The following CDKAL1 variants were observed in gnomAD, a reference collection of about 807,000 sequenced individuals.
CDKAL1 encodes CDKAL1 threonylcarbamoyladenosine tRNA methylthiotransferase, also known as threonylcarbamoyladenosine tRNA methylthiotransferase.
CDKAL1 carries 32 observed loss-of-function variants against 68.2 expected under a neutral mutation model. The ratio of observed to expected loss-of-function variants is 0.47; its 90% CI spans 0.35 to 0.63. The LOEUF (loss-of-function observed/expected upper bound fraction) is 0.63. CDKAL1 is among the 30% of genes least tolerant of loss of function. The pLI is 0.00. For missense variants in CDKAL1, 606 were observed against 696.7 expected (o/e 0.87, Z 1.47); for synonymous variants, 234 against 244.3 (o/e 0.96, Z 0.39).
chr6:21,218,647 T>C (rs73387990), intron 15 of CDKAL1, among the ~76,000 whole-genome samples: 6,253 of 152,274 alleles, frequency 0.041, 406 homozygotes, highest in African/African-American at 0.14. Flanking sequence ...AGAGGCCTCC[T>C]TCCATTCCTT....
chr6:20,838,135 AT>A (rs1348688116), intron 8 of CDKAL1, among the ~76,000 whole-genome samples: 1 of 152,060 alleles, frequency 6.6e-6, no homozygotes, highest in Non-Finnish European at 1.5e-5. Flanking sequence ...TTTAAACTTT[AT>A]GGTATATTAG....
intron 6 of CDKAL1, among the ~76,000 whole-genome samples, chr6:20,754,290 C>CT (rs111711269): frequency 0.16 from 24,031 of 152,060 alleles, 2,089 homozygotes; most frequent in East Asian, 0.34. Context: ...GCCTGCCTGT[C>CT]TTTTTGTTGG....
chr6:20,973,035 G>A (rs777339720), intron 10 of CDKAL1, among the ~76,000 whole-genome samples: 4 of 150,082 alleles, frequency 2.7e-5, no homozygotes, highest in African/African-American at 7.4e-5. Context: ...CCGAGATCGC[G>A]TCATTACTCT....
chr6:20,950,421 G>A (rs1172652972), intron 9 of CDKAL1, among the ~76,000 whole-genome samples: 1 of 152,140 alleles, frequency 6.6e-6, no homozygotes, highest in Non-Finnish European at 1.5e-5. Flanking sequence ...ACTGCACCCA[G>A]CGTAATTTCT....
intron 8 of CDKAL1, among the ~76,000 whole-genome samples, chr6:20,840,340 ATAAT>A (rs992809524): frequency 3.4e-4 from 52 of 152,350 alleles, no homozygotes; most frequent in African/African-American, 1.2e-3. Context: ...GGTGATAAGT[ATAAT>A]TCTTTCAAGT....
chr6:20,792,157 C>T (rs1165723989), intron 8 of CDKAL1, among the ~76,000 whole-genome samples: 2 of 152,096 alleles, frequency 1.3e-5, no homozygotes, highest in Admixed American at 1.3e-4. Context: ...CATGGTAGCA[C>T]CAGTTGTTTT....
intron 9 of CDKAL1, among the ~76,000 whole-genome samples, chr6:20,882,239 C>G (rs562483307): frequency 1.3e-5 from 2 of 152,272 alleles, no homozygotes; most frequent in East Asian, 3.9e-4. Context: ...GGCGGAAGAA[C>G]GCTGAGGATT....
At chr6:21,022,762 A>G (rs1306112882) in intron 11 of CDKAL1, among the ~76,000 whole-genome samples, 1 of 152,188 alleles carries the variant, frequency 6.6e-6, no homozygotes, top group Admixed American at 6.5e-5. Flanking sequence ...TTCTAGCCAC[A>G]GGCCTGAGGA....
At chr6:20,760,963 G>A (rs1291263259) in intron 7 of CDKAL1, among the ~76,000 whole-genome samples, 1 of 152,070 alleles carries the variant, frequency 6.6e-6, no homozygotes, top group Admixed American at 6.6e-5. Flanking sequence ...CAAGAGGATG[G>A]GAAAATAAGC....
rs541172795 is a variant in CDKAL1 at position 20,752,668 on chromosome 6, C to A, written c.469-5927C>A. Among the ~76,000 whole-genome samples the A allele has an allele frequency of 9.2e-5, 14 of 152,244 alleles. 1 individual carries two copies. The South Asian group carries it at 2.7e-3, about 29-fold the overall frequency. On this transcript the variant is annotated intron_variant, in intron 6 of 15. Transcript: ENST00000274695. ...ATGTGTACACATTTTCCCCCTGATC[C>A]CGATCCTTATGAAAGTGAGTTGCAA...
chr6:21,227,847 A>AGAT (rs1779809433), intron 15 of CDKAL1, among the ~76,000 whole-genome samples: 1 of 152,254 alleles, frequency 6.6e-6, no homozygotes, highest in Non-Finnish European at 1.5e-5. Flanking sequence ...ATTTTATGGC[A>AGAT]GATGAGTTGA....
At chr6:21,136,046 C>G in intron 13 of CDKAL1, among the ~76,000 whole-genome samples, 1 of 152,128 alleles carries the variant, frequency 6.6e-6, no homozygotes, top group Non-Finnish European at 1.5e-5. Flanking sequence ...TCAGTGTTTA[C>G]ATTGGTCTTG....
intron 5 of CDKAL1, among the ~76,000 whole-genome samples, chr6:20,718,840 C>A (rs1368396471): frequency 6.6e-6 from 1 of 152,034 alleles, no homozygotes. Flanking sequence ...AAAAAAACTT[C>A]TTACTATTTG....
chr6:20,938,855 T>C (rs1448303136), intron 9 of CDKAL1, among the ~76,000 whole-genome samples: 1 of 152,194 alleles, frequency 6.6e-6, no homozygotes, highest in African/African-American at 2.4e-5. Flanking sequence ...TGTTTTCTGT[T>C]TGAAATACTG....
At chr6:21,068,945 ATG>A (rs1295129441) in intron 12 of CDKAL1, among the ~76,000 whole-genome samples, 3 of 152,052 alleles carry the variant, frequency 2.0e-5, no homozygotes, top group Admixed American at 2.0e-4. Context: ...ATGTTCCTAC[ATG>A]TGTGTTTCCA....
At chr6:20,698,509 G>C (rs1771203578) in intron 5 of CDKAL1, among the ~76,000 whole-genome samples, 2 of 152,142 alleles carry the variant, frequency 1.3e-5, no homozygotes, top group Non-Finnish European at 2.9e-5. Context: ...TCTCTAGTCT[G>C]TGACAGTTTC....
intron 4 of CDKAL1, among the ~76,000 whole-genome samples, chr6:20,609,087 G>A (rs553719440): frequency 1.3e-5 from 2 of 152,232 alleles, no homozygotes; most frequent in African/African-American, 4.8e-5. Context: ...TGCACATATG[G>A]GAATATAGCA....
intron 5 of CDKAL1, among the ~76,000 whole-genome samples, chr6:20,654,592 T>C (rs1768939012): frequency 6.6e-6 from 1 of 152,230 alleles, no homozygotes; most frequent in South Asian, 2.1e-4. Flanking sequence ...TACATTTAGG[T>C]CTATAATTCA....
At chr6:20,931,053 A>G (rs1262296861) in intron 9 of CDKAL1, among the ~76,000 whole-genome samples, 1 of 152,126 alleles carries the variant, frequency 6.6e-6, no homozygotes, top group African/African-American at 2.4e-5. Context: ...GCGTATCTTA[A>G]TCTCATAGAC....
Sources: allele counts gnomAD v4.1 joint callset (sites outside exome capture counted in the v4.1 genomes callset), GRCh38; gene constraint gnomAD v4.1.1; transcripts MANE v1.5; gene names NCBI Gene and HGNC (gene_info 2026-07-23, HGNC 2026-07-21).